Variants in ADAMTS18 observed in about 807,000 individuals in gnomAD.
ADAMTS18 encodes the protein ADAM metallopeptidase with thrombospondin type 1 motif 18, also known as A disintegrin and metalloproteinase with thrombospondin motifs 18.
In ADAMTS18, 157 loss-of-function variants were observed where a neutral mutation model predicts 165.9. The observed-to-expected ratio is 0.95, with a 90% CI of 0.83 to 1.08. The LOEUF (loss-of-function observed/expected upper bound fraction) is 1.08. ADAMTS18 is among the 50% of genes least tolerant of loss of function. The pLI is 0.00. For synonymous variants in ADAMTS18, 782 were observed against 578.2 expected (o/e 1.35, Z -5.06); for missense variants, 2,040 against 1,534.0 (o/e 1.33, Z -5.51).
At chr16:77,345,787 C>G (rs2144696651) in intron 10 of ADAMTS18, among the ~76,000 whole-genome samples, 2 of 152,300 alleles carry the variant, frequency 1.3e-5, no homozygotes, top group Middle Eastern at 6.8e-3. Context: ...GAGAGTTCTG[C>G]TGGATGGCAC....
intron 7 of ADAMTS18, among the ~76,000 whole-genome samples, chr16:77,360,239 C>A (rs2056692662): frequency 1.3e-5 from 2 of 152,176 alleles, no homozygotes; most frequent in South Asian, 4.1e-4. Context: ...TCATTACTAC[C>A]ATCGTCATCG....
chr16:77,320,747 G>C (rs2055981596), intron 15 of ADAMTS18, among the ~76,000 whole-genome samples: 1 of 152,114 alleles, frequency 6.6e-6, no homozygotes, highest in Non-Finnish European at 1.5e-5. Context: ...TTAGATAACT[G>C]CTTCAAATAT....
intron 3 of ADAMTS18, among the ~76,000 whole-genome samples, chr16:77,418,310 T>A (rs751118181): frequency 9.9e-5 from 15 of 152,156 alleles, no homozygotes; most frequent in Non-Finnish European, 2.2e-4. Flanking sequence ...TAAACTCATA[T>A]AAGTGCACTG....
intron 16 of ADAMTS18, among the ~76,000 whole-genome samples, chr16:77,304,132 A>G (rs1597098795): frequency 6.6e-6 from 1 of 152,236 alleles, no homozygotes; most frequent in African/African-American, 2.4e-5. Flanking sequence ...CTTTGTAGCT[A>G]TCACTTATTA....
chr16:77,337,260 G>T (rs1423467615), intron 11 of ADAMTS18, among the ~76,000 whole-genome samples: 2 of 152,124 alleles, frequency 1.3e-5, no homozygotes, highest in Non-Finnish European at 2.9e-5. Flanking sequence ...TTTTCTACCG[G>T]GAATCACGAG....
At chr16:77,374,349 T>C (rs544600183) in intron 3 of ADAMTS18, among the ~76,000 whole-genome samples, 107 of 152,076 alleles carry the variant, frequency 7.0e-4, no homozygotes, top group African/African-American at 1.9e-3. Flanking sequence ...ATAATGCACA[T>C]GAACTTGTCT....
chr16:77,344,979 C>G (rs1597149571), intron 10 of ADAMTS18, among the ~76,000 whole-genome samples: 1 of 152,046 alleles, frequency 6.6e-6, no homozygotes, highest in African/African-American at 2.4e-5. Flanking sequence ...TTTCCCTTAT[C>G]TATAATTCCC....
At chr16:77,302,476 G>A (rs1275912734) in intron 16 of ADAMTS18, among the ~76,000 whole-genome samples, 2 of 152,110 alleles carry the variant, frequency 1.3e-5, no homozygotes, top group East Asian at 1.9e-4. Context: ...AAGGCAGAAT[G>A]GTATTGCAGT....
At chr16:77,415,538 T>C (rs973524459) in intron 3 of ADAMTS18, among the ~76,000 whole-genome samples, 2 of 152,082 alleles carry the variant, frequency 1.3e-5, no homozygotes, top group African/African-American at 2.4e-5. Context: ...TTGGCACCGA[T>C]CTTGTTGCCT....
chr16:77,356,874 T>A (rs1410970450), intron 8 of ADAMTS18, among the ~76,000 whole-genome samples: 1 of 151,946 alleles, frequency 6.6e-6, no homozygotes, highest in Non-Finnish European at 1.5e-5. Context: ...ATAGGATACA[T>A]ACCATAAAGA....
chr16:77,382,738 G>T (rs1175181481), intron 3 of ADAMTS18, among the ~76,000 whole-genome samples: 1 of 152,206 alleles, frequency 6.6e-6, no homozygotes, highest in Non-Finnish European at 1.5e-5. Flanking sequence ...AACTGTGAAT[G>T]ACCAAGACGA....
intron 3 of ADAMTS18, among the ~76,000 whole-genome samples, chr16:77,404,104 T>C (rs2057365532): frequency 6.6e-6 from 1 of 150,406 alleles, no homozygotes; most frequent in Non-Finnish European, 1.5e-5. Flanking sequence ...CAGAAGGTAA[T>C]TCTTGTGAAA....
intron 2 of ADAMTS18, among the ~76,000 whole-genome samples, chr16:77,433,864 AAGAT>A (rs1177454188): frequency 6.6e-6 from 1 of 152,184 alleles, no homozygotes; most frequent in East Asian, 1.9e-4. Flanking sequence ...AACGTCAGAA[AAGAT>A]AGATAAAGGA....
chr16:77,353,810 G>C lies in ADAMTS18; in HGVS notation c.1537C>G (p.Gln513Glu), dbSNP rs1323298867. The C allele has an allele frequency of 6.2e-7, 1 of 1,614,018 alleles. No individual in the cohort carries two copies. The highest frequency in any genetic ancestry group is 8.5e-7 in the Non-Finnish European group (1 of 1,180,024). ...QYKYPDKLPG[Q>E]IYDADTQCKW... ...CACTGTGTGTCAGCATCATAAATCTGTCCTGGTAGTTTGTCCGGATATTTA... is the reference window on the plus strand; with the variant it reads ...CACTGTGTGTCAGCATCATAAATCTCTCCTGGTAGTTTGTCCGGATATTTA... Residue 513 changes from glutamine to glutamate, a missense_variant, in exon 10 of 23, where the codon CAG (glutamine) becomes GAG (glutamate). By Grantham distance (29) the Gln-to-Glu change is conservative. Transcript: ENST00000282849.
At chr16:77,288,944 G>A (rs778815357) in intron 22 of ADAMTS18, among the ~76,000 whole-genome samples, 4 of 152,134 alleles carry the variant, frequency 2.6e-5, no homozygotes, top group Non-Finnish European at 4.4e-5. Context: ...AATTAGCCAG[G>A]CGTGGTGGTG....
chr16:77,379,453 G>C (rs1481647968), intron 3 of ADAMTS18, among the ~76,000 whole-genome samples: 1 of 152,064 alleles, frequency 6.6e-6, no homozygotes, highest in East Asian at 1.9e-4. Context: ...CCATGGACTA[G>C]AGGTGTCACC....
chr16:77,434,634 C>G lies in ADAMTS18; in HGVS notation c.62G>C (p.Gly21Ala). 6.7e-7 allele frequency: 1 copy of G among 1,488,426 alleles called. No homozygotes were observed. Among genetic ancestry groups the G allele is most frequent in the African/African-American group, 1.5e-5 (1 of 68,610 alleles). 92.2% of individuals were successfully genotyped at this position (1,488,426 alleles called of 1,614,324 possible). A position where few individuals can be genotyped will look rare whatever the true frequency, so the allele number is the denominator to read the frequency against. ...FPAAGSGPPR[G>A]LAGLGRVAKA... ...GGCCACGCGCCCCAGTCCCGCCAGG[C>G]CCCTCGGCGGGCCCGAACCCGCAGC... is the stretch of plus-strand genomic sequence containing the variant. The change falls in exon 1 of 23, where the codon GGC (glycine) becomes GCC (alanine). Residue 21 changes from glycine (G) to alanine (A), a missense_variant. Transcript: ENST00000282849.
intron 12 of ADAMTS18, among the ~76,000 whole-genome samples, chr16:77,329,137 G>C (rs1422931485): frequency 6.6e-6 from 1 of 151,320 alleles, no homozygotes; most frequent in African/African-American, 2.4e-5. Context: ...ACAGAGTCTT[G>C]CTCTATCACC....
chr16:77,423,897 G>C (rs2057636759), intron 3 of ADAMTS18, among the ~76,000 whole-genome samples: 1 of 152,132 alleles, frequency 6.6e-6, no homozygotes. Context: ...GATGGTAGCT[G>C]GTAAAGAGAG....
Sources: gnomAD v4.1 joint callset for allele counts (sites outside exome capture counted in the v4.1 genomes callset) on GRCh38, gnomAD v4.1.1 for gene constraint, MANE v1.5 for transcripts, NCBI Gene and HGNC (gene_info 2026-07-23, HGNC 2026-07-21) for gene names.